Variants in EGFR observed in about 807,000 individuals in gnomAD.
EGFR encodes the protein epidermal growth factor receptor.
Under a neutral mutation model 143.0 loss-of-function variants are expected in EGFR, and 58 were observed. The ratio of observed to expected loss-of-function variants is 0.41; its 90% CI spans 0.33 to 0.50. The LOEUF (loss-of-function observed/expected upper bound fraction) is 0.50. EGFR is among the 20% of genes least tolerant of loss of function. The pLI, the probability that EGFR is intolerant of heterozygous loss-of-function variation, is 0.39. For missense variants in EGFR, 1,307 were observed against 1,579.0 expected, an observed-to-expected ratio of 0.83 and a Z score of 2.92; for synonymous variants, 613 against 594.4, an observed-to-expected ratio of 1.03 and a Z score of -0.45.
At chr7:55,020,078 G>C (rs1188699271) in intron 1 of EGFR, among the ~76,000 whole-genome samples, 1 of 152,344 alleles carries the variant, frequency 6.6e-6, no homozygotes, top group East Asian at 1.9e-4. Context: ...TGCGGCTCCC[G>C]GGGAGGGGTG....
intron 1 of EGFR, among the ~76,000 whole-genome samples, chr7:55,119,828 T>G (rs1022893080): frequency 1.3e-5 from 2 of 152,218 alleles, no homozygotes; most frequent in African/African-American, 4.8e-5. Context: ...AGGTGACCAC[T>G]GCCCCAAATC....
At chr7:55,099,340 G>A (rs1382484738) in intron 1 of EGFR, among the ~76,000 whole-genome samples, 1 of 152,190 alleles carries the variant, frequency 6.6e-6, no homozygotes, top group Non-Finnish European at 1.5e-5. Context: ...TTTAGACCAT[G>A]AGATGGGTGA....
intron 14 of EGFR, among the ~76,000 whole-genome samples, chr7:55,164,252 A>G (rs1785855465): frequency 6.6e-6 from 1 of 152,206 alleles, no homozygotes; most frequent in Non-Finnish European, 1.5e-5. Context: ...CTATATGTTC[A>G]ATAACATATA....
At chr7:55,155,787 T>G in intron 7 of EGFR, 43 bp from the exon 8 acceptor site, 1 of 1,557,936 alleles carries the variant, frequency 6.4e-7, no homozygotes, top group Non-Finnish European at 8.9e-7. Flanking sequence ...CCCGAGCACC[T>G]GGTGCCACCG....
intron 1 of EGFR, among the ~76,000 whole-genome samples, chr7:55,132,486 T>A (rs1382694609): frequency 6.6e-6 from 1 of 152,232 alleles, no homozygotes; most frequent in African/African-American, 2.4e-5. Flanking sequence ...TGGAAGAAAC[T>A]TTATTTTTAG....
intron 1 of EGFR, among the ~76,000 whole-genome samples, chr7:55,072,060 G>A (rs1420749295): frequency 6.6e-6 from 1 of 151,494 alleles, no homozygotes; most frequent in African/African-American, 2.4e-5. Context: ...AGCGTCCACT[G>A]TGTGCCACAG....
intron 1 of EGFR, among the ~76,000 whole-genome samples, chr7:55,107,112 A>G (rs1271940598): frequency 6.6e-6 from 1 of 152,230 alleles, no homozygotes; most frequent in African/African-American, 2.4e-5. Flanking sequence ...AGATAGAAGC[A>G]GCAGCATATT....
At chr7:55,136,801 C>T (rs570501471) in intron 1 of EGFR, among the ~76,000 whole-genome samples, 9 of 152,342 alleles carry the variant, frequency 5.9e-5, no homozygotes, top group African/African-American at 2.2e-4. Flanking sequence ...AATCAAGAGG[C>T]TAAACAGCTG....
At chr7:55,176,618 T>C (rs972023534) in intron 19 of EGFR, among the ~76,000 whole-genome samples, 4 of 151,726 alleles carry the variant, frequency 2.6e-5, no homozygotes, top group African/African-American at 9.7e-5. Flanking sequence ...ACTCAGGAGA[T>C]GGGAAGATGG....
At chr7:55,087,666 G>A (rs1267913607) in intron 1 of EGFR, among the ~76,000 whole-genome samples, 1 of 152,226 alleles carries the variant, frequency 6.6e-6, no homozygotes, top group Non-Finnish European at 1.5e-5. Flanking sequence ...GTTGTGATGA[G>A]TTGGAAACTT....
At chr7:55,157,419 AG>A (rs1491516373) in intron 10 of EGFR, among the ~76,000 whole-genome samples, 3 of 145,718 alleles carry the variant, frequency 2.1e-5, no homozygotes, top group South Asian at 2.1e-4. Flanking sequence ...GGCCACAGCC[AG>A]GGGGGCGGCG....
intron 1 of EGFR, among the ~76,000 whole-genome samples, chr7:55,096,764 T>C (rs563963937): frequency 3.9e-5 from 6 of 152,262 alleles, no homozygotes; most frequent in South Asian, 2.1e-4. Context: ...CCACAGCACC[T>C]GTCAGCCCCT....
intron 1 of EGFR, among the ~76,000 whole-genome samples, chr7:55,109,000 G>A (rs145640458): frequency 6.6e-6 from 1 of 152,158 alleles, no homozygotes; most frequent in Non-Finnish European, 1.5e-5. Flanking sequence ...ACATTGTGAG[G>A]ACGGTCATTG....
intron 1 of EGFR, among the ~76,000 whole-genome samples, chr7:55,034,984 G>A (rs1419466153): frequency 6.6e-6 from 1 of 152,170 alleles, no homozygotes; most frequent in African/African-American, 2.4e-5. Flanking sequence ...TACCTTCCAT[G>A]AGATCCTAGA....
intron 1 of EGFR, among the ~76,000 whole-genome samples, chr7:55,120,144 G>A (rs976797792): frequency 1.6e-4 from 25 of 152,160 alleles, no homozygotes; most frequent in Non-Finnish European, 8.8e-5. Flanking sequence ...CTGTTGCATC[G>A]CTGTGTCTCT....
At chr7:55,036,271 T>TGGGGGG (rs557551216) in intron 1 of EGFR, among the ~76,000 whole-genome samples, 1 of 22,398 alleles carries the variant, frequency 4.5e-5, no homozygotes, top group Non-Finnish European at 8.6e-5. Flanking sequence ...TGTGTGTGTG[T>TGGGGGG]GGGGGGGGGG....
intron 15 of EGFR, among the ~76,000 whole-genome samples, chr7:55,166,563 G>T (rs2128947401): frequency 6.6e-6 from 1 of 152,330 alleles, no homozygotes; most frequent in Middle Eastern, 3.4e-3. Context: ...ATCATTGATG[G>T]TGGGATGGTG....
chr7:55,134,869 C>A (rs1794050651), intron 1 of EGFR, among the ~76,000 whole-genome samples: 1 of 152,208 alleles, frequency 6.6e-6, no homozygotes, highest in Non-Finnish European at 1.5e-5. Flanking sequence ...TGTCCATGAT[C>A]TCAGTACTGC....
At chr7:55,198,142 G>A (rs1787696642) in intron 22 of EGFR, among the ~76,000 whole-genome samples, 1 of 152,038 alleles carries the variant, frequency 6.6e-6, no homozygotes, top group Non-Finnish European at 1.5e-5. Flanking sequence ...GCTTTGTTTT[G>A]GTTGGTAGGC....
Sources: allele counts gnomAD v4.1 joint callset (sites outside exome capture counted in the v4.1 genomes callset), GRCh38; gene constraint gnomAD v4.1.1; transcripts MANE v1.5; gene names NCBI Gene and HGNC (gene_info 2026-07-23, HGNC 2026-07-21).